The following HSPG2 variants were observed in gnomAD, a reference collection of about 807,000 sequenced individuals.
HSPG2 encodes basement membrane-specific heparan sulfate proteoglycan core protein.
HSPG2 carries 278 observed loss-of-function variants against 526.6 expected under a neutral mutation model. That is an observed-to-expected ratio of 0.53 (90% CI 0.48 to 0.58). HSPG2 has a LOEUF of 0.58. HSPG2 is among the 20% of genes least tolerant of loss of function. HSPG2 has a pLI of 0.00. For synonymous variants in HSPG2, 2,465 were observed against 2,555.4 expected, an observed-to-expected ratio of 0.96 and a Z score of 1.07; for missense variants, 5,354 against 6,099.5, an observed-to-expected ratio of 0.88 and a Z score of 4.07.
At chr1:21,846,366 G>T (rs1638436799) in intron 63 of HSPG2, 82 bp downstream of exon 63, 3 of 1,608,386 alleles carry the variant, frequency 1.9e-6, no homozygotes, top group African/African-American at 2.7e-5. Context: ...CCCCACGGGG[G>T]CTCCTAGGTC....
rs1260844796 is a variant in HSPG2, at chr1:21,880,693, G to A, written c.1961C>T (p.Pro654Leu). The A allele has an allele frequency of 1.3e-6, 2 of 1,599,882 alleles. No individual in the cohort carries two copies. The highest frequency in any genetic ancestry group is 1.1e-5 in the South Asian group (1 of 88,698). Residue 654 changes from proline (P) to leucine (L), a missense_variant, in exon 15 of 97, where the codon CCT becomes CTT. Transcript: ENST00000374695. The stretch of plus-strand genomic sequence containing the variant: ...GACCTGGCGCTGGTTCAGAGCACCA[G>A]GTTGGGTGGGTGTGTGGCCTCGGGA... ...LLSRGHTPTQ[P>L]GALNQRQVQF...
In HSPG2 at chr1:21,848,176, G is replaced by A. The variant is rs1638602140; in HGVS notation, c.7738-83C>T. 1 of 1,476,810 alleles carries A rather than the reference G, an allele frequency of 6.8e-7. No homozygotes were observed. 91.5% of individuals were successfully genotyped at this position (1,476,810 alleles called of 1,614,324 possible). On this transcript the variant is annotated intron_variant, in intron 59 of 96. Transcript: ENST00000374695. The surrounding 1 kb of genome is among the most constrained non-coding windows in gnomAD (Gnocchi z 4.9). The stretch of plus-strand genomic sequence containing the variant: ...TTGGGCACTGCTGCCGCTGCCCCTG[G>A]ACTCTGGGGGCCTCCCTGCCTTGCC...
intron 71 of HSPG2, among the ~76,000 whole-genome samples, chr1:21,840,247 C>T (rs1428193524): frequency 1.3e-5 from 2 of 152,242 alleles, no homozygotes; most frequent in African/African-American, 4.8e-5. Flanking sequence ...AAGCAATCCT[C>T]TCGCCTCAGC....
chr1:21,936,405 C>T (rs1357592208), intron 1 of HSPG2, among the ~76,000 whole-genome samples: 1 of 152,214 alleles, frequency 6.6e-6, no homozygotes, highest in Non-Finnish European at 1.5e-5. Flanking sequence ...ACTCGGGTCC[C>T]CCAAGGGTGC....
chr1:21,902,036 A>C (rs1643128292), intron 1 of HSPG2, among the ~76,000 whole-genome samples: 1 of 152,156 alleles, frequency 6.6e-6, no homozygotes, highest in Admixed American at 6.5e-5. Flanking sequence ...CCCCAGACAC[A>C]GGATCAAGGT....
chr1:21,898,384 C>T lies in HSPG2; in HGVS notation c.64-2074G>A, dbSNP rs76305492. Among the ~76,000 whole-genome samples, 2 of 152,328 alleles carry T rather than the reference C, an allele frequency of 1.3e-5. No homozygotes were observed. Among genetic ancestry groups the T allele is most frequent in the East Asian group, 1.9e-4 (1 of 5,186 alleles). On this transcript the variant is annotated intron_variant, in intron 1 of 96. Coordinates refer to ENST00000374695, the MANE Select transcript of HSPG2 (RefSeq NM_005529.7). The surrounding 1 kb of genome is among the most constrained non-coding windows in gnomAD (Gnocchi z 4.0). ...TTCCTTCTCCTCTCCCTGCCCTCTC[C>T]CTGTCCTCCTGAGTGCTGGCCTGTG...
rs1036440180 is a variant in HSPG2 at position 21,828,841 on chromosome 1, C to G, written c.12231G>C (p.Val4077=). The G allele has an allele frequency of 9.7e-6, 15 of 1,550,842 alleles. No individual in the cohort carries two copies. Among genetic ancestry groups the G allele is most frequent in the African/African-American group, 4.1e-5 (3 of 73,168 alleles). The stretch of plus-strand genomic sequence containing the variant: ...CCGAGGAGGCTGCTCTTACCTCGCC[C>G]ACACAGCCGCGGAAGTGAGCGCTCA... ...TNMSAHFRGC[V]GEVSVNGKRL... is the part of the protein sequence containing the mutation. Residue 4077 remains valine (V), a synonymous_variant, in exon 88 of 97, where the codon GTG becomes GTC. Transcript: ENST00000374695. This position sits in a 1 kb window ranked among gnomAD's most constrained non-coding sequence, Gnocchi z 6.0.
chr1:21,929,420 T>C (rs897480405), intron 1 of HSPG2, among the ~76,000 whole-genome samples: 5 of 151,840 alleles, frequency 3.3e-5, no homozygotes, highest in Non-Finnish European at 5.9e-5. Flanking sequence ...TCTTTTTTTT[T>C]TTTAAGAGAC....
Position 21,836,919 on chromosome 1 carries a change from A to G in HSPG2, c.10238T>C (p.Ile3413Thr), listed in dbSNP as rs373422589. ...ACAGTGGAACTCAACGCTGGCCCCAATGCTCTTGGTCTCTAGCTGAGGCGT... is the reference window on the plus strand; with the variant it reads ...ACAGTGGAACTCAACGCTGGCCCCAGTGCTCTTGGTCTCTAGCTGAGGCGT... Reference protein sequence around the residue: ...QVTPQLETKSIGASVEFHCAV... With the variant: ...QVTPQLETKSTGASVEFHCAV... The change falls in exon 75 of 97, where the codon ATT becomes ACT. Residue 3413 changes from isoleucine (I) to threonine (T), a missense_variant. By Grantham distance (89) the Ile-to-Thr change is moderately conservative. Transcript: ENST00000374695. The G allele has an allele frequency of 8.0e-5, 124 of 1,559,438 alleles. No homozygotes were observed. Among genetic ancestry groups the G allele is most frequent in the East Asian group, 1.7e-4 (7 of 41,640 alleles).
chr1:21,843,202 CAAT>C lies in HSPG2; in HGVS notation c.8758+92_8758+94del. ...GGTAGGAAACCCCGCCTGCAGGCAA[CAAT>C]AAGTGCCCGGCTGGGAGAGAGGAGA... On this transcript the variant is annotated intron_variant, in intron 66 of 96. Coordinates refer to ENST00000374695, the MANE Select transcript of HSPG2 (RefSeq NM_005529.7). 3.2e-6 allele frequency: 5 copies of C among 1,567,600 alleles called. No individual in the cohort carries two copies. In the South Asian group the frequency reaches 5.6e-5, roughly 17 times the overall value.
chr1:21,848,028 G>A lies in HSPG2; in HGVS notation c.7803C>T (p.His2601=), dbSNP rs1187079326. The change falls in exon 60 of 97, where the codon CAC becomes CAT. Residue 2601 remains histidine (H), a synonymous_variant. Transcript: ENST00000374695. This position sits in a 1 kb window ranked among gnomAD's most constrained non-coding sequence, Gnocchi z 4.9. ...CCCGGGAGCCTGCACCGTTACTGAC[G>A]TGACACACGTACTCGCCCGAGTCTG... is the stretch of plus-strand genomic sequence containing the variant. The part of the protein sequence containing the change: ...TPADSGEYVC[H]VSNGAGSRET... 1.3e-5 allele frequency: 21 copies of A among 1,613,356 alleles called. No individual in the cohort carries two copies. The highest frequency in any genetic ancestry group is 2.7e-5 in the African/African-American group (2 of 74,964).
At chr1:21,879,383 A>G (rs1025620688) in intron 17 of HSPG2, among the ~76,000 whole-genome samples, 7 of 152,194 alleles carry the variant, frequency 4.6e-5, no homozygotes, top group Non-Finnish European at 1.0e-4. Context: ...CCCACTGGCC[A>G]GTTCTGCTCT....
At position 21,934,634 on chromosome 1, in the gene HSPG2, C is replaced by G. The variant is rs979690135; in HGVS notation, c.63+2521G>C. Among the ~76,000 whole-genome samples the G allele has an allele frequency of 9.2e-5, 14 of 151,686 alleles. No individual in the cohort carries two copies. In the East Asian group the frequency reaches 2.5e-3, roughly 28 times the overall value. On this transcript the variant is annotated intron_variant, in intron 1 of 96. Transcript: ENST00000374695. Reference sequence around the variant, plus strand: ...TTTTTGAGACAGAGTCTTGCTCTGTCGCCCAGGCTGGAGTGCAGTGGCGCG... The same window carrying G: ...TTTTTGAGACAGAGTCTTGCTCTGTGGCCCAGGCTGGAGTGCAGTGGCGCG...
chr1:21,904,277 T>C lies in HSPG2; in HGVS notation c.64-7967A>G, dbSNP rs188275392. 7.2e-5 allele frequency among the ~76,000 whole-genome samples: 11 copies of C among 152,130 alleles called. No homozygotes were observed. Among genetic ancestry groups the C allele is most frequent in the Non-Finnish European group, 1.5e-4 (10 of 67,998 alleles). Reference sequence around the variant, plus strand: ...TGCTAACTCAGCTGGGCCTGAGAGATGACTTCACCTAAGCAAAGCAGAGAA... The same window carrying C: ...TGCTAACTCAGCTGGGCCTGAGAGACGACTTCACCTAAGCAAAGCAGAGAA... On this transcript the variant is annotated intron_variant, in intron 1 of 96. Coordinates refer to ENST00000374695, the MANE Select transcript of HSPG2 (RefSeq NM_005529.7). The surrounding 1 kb of genome is among the most constrained non-coding windows in gnomAD (Gnocchi z 4.4).
chr1:21,863,371 GA>G (rs538927618), intron 37 of HSPG2, among the ~76,000 whole-genome samples: 33 of 146,372 alleles, frequency 2.3e-4, no homozygotes, highest in African/African-American at 6.8e-4. Context: ...AGACTGTCTT[GA>G]AAAAAAAAAG....
rs886046030 is a variant in HSPG2 at position 21,850,076 on chromosome 1, G to A, written c.7411C>T (p.His2471Tyr). ...AGQAHAQVTW[H>Y]KRGGSLPARH... is the part of the protein sequence containing the mutation. ...GCCGGGAGGCTGCCCCCGCGCTTGT[G>A]CCACGTGACCTGGGCATGGGCCTGA... The change falls in exon 57 of 97, where the codon CAC (histidine) becomes TAC (tyrosine). Residue 2471 changes from histidine (H) to tyrosine (Y), a missense_variant. By Grantham distance (83) the His-to-Tyr change is moderately conservative. Coordinates refer to ENST00000374695, the MANE Select transcript of HSPG2 (RefSeq NM_005529.7). 4 of 1,613,494 alleles carry A rather than the reference G, an allele frequency of 2.5e-6. No individual in the cohort carries two copies. Among genetic ancestry groups the A allele is most frequent in the Non-Finnish European group, 3.4e-6 (4 of 1,180,022 alleles).
chr1:21,912,150 AC>A (rs1158491145), intron 1 of HSPG2, among the ~76,000 whole-genome samples: 2 of 152,152 alleles, frequency 1.3e-5, no homozygotes, highest in South Asian at 4.1e-4. Context: ...ACCACTGTTA[AC>A]TGTTGACTGG....
At chr1:21,926,761 CAAAAAAAAAAAAA>C (rs57835686) in intron 1 of HSPG2, among the ~76,000 whole-genome samples, 13 of 55,878 alleles carry the variant, frequency 2.3e-4, no homozygotes, top group Middle Eastern at 0.028. Context: ...GACTCAGTCT[CAAAAAAAAAAAAA>C]AAAAAAAAAA....
chr1:21,881,079 C>A (rs1474224091), intron 14 of HSPG2, among the ~76,000 whole-genome samples: 1 of 152,170 alleles, frequency 6.6e-6, no homozygotes, highest in African/African-American at 2.4e-5. Context: ...GAAGCCAGTG[C>A]GGAGGCACAG....
Sources: gnomAD v4.1 joint callset for allele counts (sites outside exome capture counted in the v4.1 genomes callset) on GRCh38, gnomAD v4.1.1 for gene constraint, Gnocchi (gnomAD v3.1) non-coding constraint, MANE v1.5 for transcripts, NCBI Gene and HGNC (gene_info 2026-07-23, HGNC 2026-07-21) for gene names.